Variants in TRIM14 observed in about 807,000 individuals in gnomAD.
The protein encoded by TRIM14 is tripartite motif containing 14.
In TRIM14, 28 loss-of-function variants were observed where a neutral mutation model predicts 44.5. The ratio of observed to expected loss-of-function variants is 0.63; its 90% CI spans 0.47 to 0.86. TRIM14 has a LOEUF of 0.86. Among genes scored for constraint, TRIM14 ranks in the 40% least tolerant of loss-of-function variants. The pLI is 0.00. For missense variants in TRIM14, 607 were observed against 611.1 expected (o/e 0.99, Z 0.07); for synonymous variants, 299 against 269.2 (o/e 1.11, Z -1.08).
chr9:98,078,354 A>C, intron 6 of TRIM14: 1 of 1,613,166 alleles, frequency 6.2e-7, no homozygotes, highest in Non-Finnish European at 8.5e-7. Context: ...CTCGGTGAGC[A>C]GGAGGGAGGG....
the TRIM14 span, among the ~76,000 whole-genome samples, chr9:98,053,693 T>C: frequency 1.3e-5 from 2 of 152,072 alleles, no homozygotes; most frequent in African/African-American, 2.4e-5. Context: ...TTACCCTTTT[T>C]GCCGGCATAC....
At position 98,087,960 on chromosome 9, in the gene TRIM14, A is replaced by G; in HGVS notation, c.839T>C (p.Leu280Pro). 2 of 1,563,906 alleles carry G rather than the reference A, an allele frequency of 1.3e-6. No homozygotes were observed. The highest frequency in any genetic ancestry group is 8.6e-7 in the Non-Finnish European group (1 of 1,165,734). Reference protein sequence around the residue: ...TLDPDTMHARLRLSADRLTVR... With the variant: ...TLDPDTMHARPRLSADRLTVR... ...CGTCAGGCGATCGGCGGACAGGCGCAGGCGCGCGTGCATCGTGTCAGGATC... is the reference window on the plus strand; with the variant it reads ...CGTCAGGCGATCGGCGGACAGGCGCGGGCGCGCGTGCATCGTGTCAGGATC... Residue 280 changes from leucine to proline, a missense_variant, in exon 6 of 6, where the codon CTG (leucine) becomes CCG (proline). Leu to Pro is a moderately conservative substitution (Grantham distance 98, BLOSUM62 -3). Transcript: ENST00000341469.
chr9:98,113,990 T>A (rs1251307328), intron 1 of TRIM14, among the ~76,000 whole-genome samples: 1 of 152,246 alleles, frequency 6.6e-6, no homozygotes, highest in Non-Finnish European at 1.5e-5. Context: ...CTTCCCAAAA[T>A]TAAATTAAGT....
At position 98,087,980 on chromosome 9, in the gene TRIM14, A is replaced by G; in HGVS notation, c.819T>C (p.Pro273=). ...GGCGCAGGCGCGCGTGCATCGTGTCAGGATCCAGCGTGGGCGTGCGCGCGT... is the reference window on the plus strand; with the variant it reads ...GGCGCAGGCGCGCGTGCATCGTGTCGGGATCCAGCGTGGGCGTGCGCGCGT... ...LKYARTPTLD[P]DTMHARLRLS... Residue 273 remains proline (P), a synonymous_variant, in exon 6 of 6, where the codon CCT becomes CCC. Transcript: ENST00000341469. The G allele has an allele frequency of 1.3e-6, 2 of 1,557,378 alleles. No individual in the cohort carries two copies. The highest frequency in any genetic ancestry group is 1.7e-6 in the Non-Finnish European group (2 of 1,163,178).
downstream of TRIM14, chr9:98,080,666 G>C (rs922255918): frequency 1.3e-6 from 1 of 776,922 alleles, no homozygotes; most frequent in African/African-American, 1.8e-5. Flanking sequence ...TCATCCCTAG[G>C]AAAGAGAGGC....
chr9:98,109,782 C>T (rs1037156068), intron 2 of TRIM14, 107 bp downstream of exon 2: 4 of 849,158 alleles, frequency 4.7e-6, no homozygotes, highest in Non-Finnish European at 7.7e-6. Context: ...CACCATCTGC[C>T]CCTTCGCAGT....
chr9:98,054,776 C>T, the TRIM14 span, among the ~76,000 whole-genome samples: 1 of 152,156 alleles, frequency 6.6e-6, no homozygotes, highest in African/African-American at 2.4e-5. Flanking sequence ...GCCTCTGGAT[C>T]CATCGCCAGA....
downstream of TRIM14, chr9:98,080,941 G>C: frequency 5.6e-6 from 9 of 1,614,212 alleles, no homozygotes; most frequent in Non-Finnish European, 7.6e-6. Flanking sequence ...CTTTGGACAA[G>C]ACCTGGAAGG....
intron 6 of TRIM14, among the ~76,000 whole-genome samples, chr9:98,073,474 G>A (rs545225771): frequency 3.3e-5 from 5 of 151,122 alleles, no homozygotes; most frequent in Admixed American, 6.6e-5. Context: ...TAGTAGAGGC[G>A]GGGTTTCACC....
chr9:98,075,267 T>C (rs930251790), intron 6 of TRIM14: 5 of 150,718 alleles, frequency 3.3e-5, no homozygotes, highest in Non-Finnish European at 5.9e-5. Flanking sequence ...CTGGGCAACA[T>C]AGCAAGACCC....
At chr9:98,108,318 G>C (rs1274130748) in intron 2 of TRIM14, among the ~76,000 whole-genome samples, 2 of 152,154 alleles carry the variant, frequency 1.3e-5, no homozygotes, top group African/African-American at 2.4e-5. Flanking sequence ...CCTGTGGGCC[G>C]CATGTGGCCC....
chr9:98,083,804 C>G (rs922079385), downstream of TRIM14, among the ~76,000 whole-genome samples: 1 of 152,288 alleles, frequency 6.6e-6, no homozygotes, highest in East Asian at 1.9e-4. Flanking sequence ...TTGTGTGAGC[C>G]TGTAATCCCA....
chr9:98,080,019 G>C (rs1216211337), downstream of TRIM14, among the ~76,000 whole-genome samples: 1 of 152,170 alleles, frequency 6.6e-6, no homozygotes, highest in Non-Finnish European at 1.5e-5. Context: ...CTTGAGACCA[G>C]CCTGGCCAAT....
intron 6 of TRIM14, among the ~76,000 whole-genome samples, chr9:98,071,121 A>G (rs1338659498): frequency 6.6e-6 from 1 of 152,146 alleles, no homozygotes; most frequent in African/African-American, 2.4e-5. Context: ...CTCCTTAGTA[A>G]TTTTTAAGAA....
At chr9:98,077,929 G>A (rs1829663255) in intron 6 of TRIM14, 1 of 495,878 alleles carries the variant, frequency 2.0e-6, no homozygotes, top group African/African-American at 1.9e-5. Flanking sequence ...TTTTCCTCTT[G>A]GCAGTGTGAA....
rs1179895189 is a variant in TRIM14, at chr9:98,085,962, C to T, written c.*1508G>A. On this transcript the variant is annotated 3_prime_UTR_variant, in exon 6 of 6. Coordinates refer to ENST00000341469, the MANE Select transcript of TRIM14 (RefSeq NM_014788.4). ...GAATTGACAAAACAGGACGCAGAAC[C>T]TTCAGAACGGAGACACAAATCCCTG... The T allele has an allele frequency of 6.6e-6, 1 of 152,188 alleles. No homozygotes were observed. The allele number at this position is 152,188 out of a possible 1,614,324, so 9.4% of individuals were successfully genotyped here.
intron 6 of TRIM14, among the ~76,000 whole-genome samples, chr9:98,071,645 C>G (rs1829342728): frequency 6.6e-6 from 1 of 152,202 alleles, no homozygotes; most frequent in African/African-American, 2.4e-5. Context: ...TGGCTTTGTC[C>G]TTAACTCTCA....
chr9:98,065,670 G>A (rs1213922172), downstream of TRIM14, among the ~76,000 whole-genome samples: 1 of 150,210 alleles, frequency 6.7e-6, no homozygotes, highest in Non-Finnish European at 1.5e-5. Flanking sequence ...GAGACAGAAT[G>A]ATAACGGTTT....
chr9:98,066,555 C>T (rs1351887901), downstream of TRIM14, among the ~76,000 whole-genome samples: 2 of 152,108 alleles, frequency 1.3e-5, no homozygotes, highest in Admixed American at 6.6e-5. Context: ...AATACAATTA[C>T]CGTTAGAACA....
Sources: gnomAD v4.1 joint callset for allele counts (sites outside exome capture counted in the v4.1 genomes callset) on GRCh38, gnomAD v4.1.1 for gene constraint, MANE v1.5 for transcripts, NCBI Gene and HGNC (gene_info 2026-07-23, HGNC 2026-07-21) for gene names.